The following CPVL variants were observed in gnomAD, a reference collection of about 807,000 sequenced individuals.
CPVL encodes probable serine carboxypeptidase CPVL.
In CPVL, 51 loss-of-function variants were observed where a neutral mutation model predicts 63.7. The observed-to-expected ratio is 0.80, with a 90% confidence interval of 0.64 to 1.01. The LOEUF (loss-of-function observed/expected upper bound fraction) is 1.01. Ranked by LOEUF, CPVL falls within the 50% of genes least tolerant of loss-of-function variation. The pLI is 0.00. For missense variants in CPVL, 530 were observed against 573.1 expected (o/e 0.92, Z 0.77); for synonymous variants, 195 against 206.0 (o/e 0.95, Z 0.46).
Position 29,014,596 on chromosome 7 carries a change from C to T in CPVL, c.1320+15981G>A, listed in dbSNP as rs896354516. On this transcript the variant is annotated intron_variant, in intron 12 of 12. Transcript: ENST00000265394. The stretch of plus-strand genomic sequence containing the variant: ...GGCTCAAGCGATCCTCCCACCTCAA[C>T]CTCCCAAAGTGTTGAGATTACAGTT... 3.3e-5 allele frequency among the ~76,000 whole-genome samples: 5 copies of T among 152,138 alleles called. No homozygotes were observed. The East Asian group carries it at 9.6e-4, about 29-fold the overall frequency.
Position 29,091,872 on chromosome 7 carries a change from G to A in CPVL, c.542+751C>T, listed in dbSNP as rs554606243. On this transcript the variant is annotated intron_variant, in intron 6 of 12. Transcript: ENST00000265394. ...TCTGACTCCTATTAGATGCACTTTC[G>A]CTTTGAGGATTGGTAGTAATTAACA... Among the ~76,000 whole-genome samples the A allele has an allele frequency of 3.9e-5, 6 of 152,274 alleles. No individual in the cohort carries two copies. The South Asian group carries it at 1.2e-3, about 32-fold the overall frequency.
intron 12 of CPVL, among the ~76,000 whole-genome samples, chr7:29,004,743 G>T (rs1785004335): frequency 1.3e-5 from 2 of 152,204 alleles, no homozygotes; most frequent in South Asian, 4.2e-4. Flanking sequence ...GAGGTTTCTG[G>T]GAACATAGGG....
intron 7 of CPVL, among the ~76,000 whole-genome samples, chr7:29,078,209 T>C (rs59618608): frequency 0.11 from 16,055 of 152,274 alleles, 1,067 homozygotes; most frequent in Middle Eastern, 0.15. Flanking sequence ...GGCATAGACA[T>C]ATAGCAAAAA....
intron 11 of CPVL, among the ~76,000 whole-genome samples, chr7:29,053,889 CAAAAAAA>C (rs1036543437): frequency 1.6e-5 from 1 of 60,684 alleles, no homozygotes. Context: ...TCTGTTTGTA[CAAAAAAA>C]AAAAAAAAAG....
intron 5 of CPVL, among the ~76,000 whole-genome samples, chr7:29,151,612 A>G (rs1793606776): frequency 6.6e-6 from 1 of 152,218 alleles, no homozygotes; most frequent in African/African-American, 2.4e-5. Context: ...TAATTTTCAC[A>G]TCAGCCCTGC....
intron 3 of CPVL, chr7:29,185,433 T>C (rs550553162): frequency 1.3e-5 from 2 of 152,360 alleles, no homozygotes; most frequent in African/African-American, 2.4e-5. Context: ...TACACGCTCT[T>C]GATAAGAATT....
chr7:29,016,142 C>G (rs24651), intron 12 of CPVL, among the ~76,000 whole-genome samples: 66,381 of 151,854 alleles, frequency 0.44, 16,366 homozygotes, highest in African/African-American at 0.68. Flanking sequence ...CCTGAGGTCA[C>G]GAGTTCGAGA....
chr7:29,103,179 C>CCGGGGG (rs1787344555), intron 3 of CPVL, among the ~76,000 whole-genome samples: 1 of 6,582 alleles, frequency 1.5e-4, no homozygotes, highest in Non-Finnish European at 2.8e-4. Context: ...AGTTAATATA[C>CCGGGGG]TGGGGGGGGG....
intron 12 of CPVL, chr7:29,009,644 C>T (rs1785597276): frequency 6.6e-6 from 1 of 152,062 alleles, no homozygotes; most frequent in Non-Finnish European, 1.5e-5. Context: ...TTGCAAAATA[C>T]ATACAGAATA....
intron 7 of CPVL, among the ~76,000 whole-genome samples, chr7:29,082,687 A>C (rs1298661238): frequency 6.6e-6 from 1 of 152,206 alleles, no homozygotes; most frequent in Non-Finnish European, 1.5e-5. Context: ...AGGTTTCCTT[A>C]AAAGTATTCA....
In CPVL at chr7:29,030,465, G is replaced by A. The variant is rs545315323; in HGVS notation, c.1320+112C>T. 2.6e-5 allele frequency: 25 copies of A among 975,588 alleles called. No homozygotes were observed. In the African/African-American group the frequency reaches 3.6e-4, roughly 14 times the overall value. 60.4% of individuals were successfully genotyped at this position (975,588 alleles called of 1,614,324 possible). ...AGTAGGGCCACAGAAGACACACACT[G>A]GCTGTTGTATGGCTTTGCTTAAGGT... On this transcript the variant is annotated intron_variant, in intron 12 of 12. Transcript: ENST00000265394.
At chr7:29,120,300 T>A (rs1172477230) in intron 2 of CPVL, among the ~76,000 whole-genome samples, 1 of 151,936 alleles carries the variant, frequency 6.6e-6, no homozygotes, top group East Asian at 1.9e-4. Flanking sequence ...TGGGCACCTG[T>A]AATCCCAGCT....
At chr7:29,058,217 C>T (rs1790933235) in intron 11 of CPVL, among the ~76,000 whole-genome samples, 1 of 152,038 alleles carries the variant, frequency 6.6e-6, no homozygotes, top group Non-Finnish European at 1.5e-5. Context: ...TGCAGTTTTC[C>T]TAATATAGAT....
rs761653954 is a variant in CPVL, at chr7:29,092,746, A to G, written c.463-44T>C. 6.6e-6 allele frequency: 9 copies of G among 1,357,234 alleles called. No individual in the cohort carries two copies. The South Asian group carries it at 1.1e-4, about 16-fold the overall frequency. The allele number at this position is 1,357,234 out of a possible 1,614,324, so 84.1% of individuals were successfully genotyped here. A position where few individuals can be genotyped will look rare whatever the true frequency, so the allele number is the denominator to read the frequency against. On this transcript the variant is annotated intron_variant, in intron 5 of 12. Transcript: ENST00000265394. ...CGCAGGTATAAACACAGAGAAACACATGCCTTAGGGACCTGCAGAGAGGTC... is the reference window on the plus strand; with the variant it reads ...CGCAGGTATAAACACAGAGAAACACGTGCCTTAGGGACCTGCAGAGAGGTC...
Position 29,146,511 on chromosome 7 carries a change from A to G in CPVL, c.-93T>C. 1 of 1,472,078 alleles carries G rather than the reference A, an allele frequency of 6.8e-7. No homozygotes were observed. The highest frequency in any genetic ancestry group is 9.0e-7 in the Non-Finnish European group (1 of 1,113,220). 91.2% of individuals were successfully genotyped at this position (1,472,078 alleles called of 1,614,324 possible). Reference sequence around the variant, plus strand: ...CCTTGCAGCGCTTCCCAAATCAGGCAGAAGTGAGGCAGCCCCACCCAGTCA... The same window carrying G: ...CCTTGCAGCGCTTCCCAAATCAGGCGGAAGTGAGGCAGCCCCACCCAGTCA... On this transcript the variant is annotated 5_prime_UTR_variant, in exon 1 of 13. Transcript: ENST00000265394.
chr7:29,080,482 C>T (rs902801077), intron 7 of CPVL, among the ~76,000 whole-genome samples: 3 of 149,380 alleles, frequency 2.0e-5, no homozygotes, highest in Non-Finnish European at 3.0e-5. Flanking sequence ...CACCTGAACC[C>T]GGGAATTGGA....
intron 1 of CPVL, among the ~76,000 whole-genome samples, chr7:29,142,528 CTTTTTT>C (rs10663904): frequency 7.8e-6 from 1 of 127,632 alleles, no homozygotes; most frequent in Non-Finnish European, 1.6e-5. Context: ...CTTCCAGATA[CTTTTTT>C]TTTTTTTTTT....
intron 1 of CPVL, among the ~76,000 whole-genome samples, chr7:29,187,715 C>T (rs1323143245): frequency 6.6e-6 from 1 of 151,914 alleles, no homozygotes; most frequent in East Asian, 1.9e-4. Context: ...GCAACAAGAG[C>T]AAGACTCCCT....
At chr7:29,156,835 T>C (rs1003365363) in intron 5 of CPVL, among the ~76,000 whole-genome samples, 4 of 152,106 alleles carry the variant, frequency 2.6e-5, no homozygotes, top group African/African-American at 4.8e-5. Flanking sequence ...CAGTGGATTA[T>C]GCACCTGGAG....
Sources: gnomAD v4.1 joint callset for allele counts (sites outside exome capture counted in the v4.1 genomes callset) on GRCh38, gnomAD v4.1.1 for gene constraint, MANE v1.5 for transcripts, NCBI Gene and HGNC (gene_info 2026-07-23, HGNC 2026-07-21) for gene names.